Variants in PCNA observed in about 807,000 individuals in gnomAD.
PCNA encodes proliferating cell nuclear antigen, also known as DNA sliding clamp PCNA.
In PCNA, 4 loss-of-function variants were observed where a neutral mutation model predicts 27.8. The observed-to-expected ratio is 0.14, with a 90% CI of 0.07 to 0.33. The LOEUF (loss-of-function observed/expected upper bound fraction) is 0.33, where lower values mean the gene tolerates loss of function less well. Ranked by LOEUF, PCNA falls within the 10% of genes least tolerant of loss-of-function variation. The probability of loss-of-function intolerance (pLI) is 1.00; values close to 1 mark genes in which losing one functional copy is unlikely to be tolerated. For missense variants in PCNA, 165 were observed against 327.4 expected (o/e 0.50, Z 3.83); for synonymous variants, 121 against 119.4 (o/e 1.01, Z -0.09).
upstream of PCNA, among the ~76,000 whole-genome samples, chr20:5,123,511 A>G (rs972135777): frequency 3.9e-5 from 6 of 152,142 alleles, no homozygotes; most frequent in Non-Finnish European, 8.8e-5. Context: ...CCAGGCCAAC[A>G]TGGTGAAACC....
chr20:5,118,845 G>A lies in PCNA; in HGVS notation c.243C>T (p.Cys81=). Residue 81 remains cysteine, a synonymous_variant, in exon 2 of 6, where the codon TGC becomes TGT. Transcript: ENST00000379143. ...NLTSMSKILK[C]AGNEDIITLR... ...GTGTAATGATATCTTCATTGCCGGC[G>A]CATTTTAGTATTTTGGACATACTAG... The A allele has an allele frequency of 1.2e-6, 2 of 1,612,336 alleles. No homozygotes were observed. Among genetic ancestry groups the A allele is most frequent in the East Asian group, 2.2e-5 (1 of 44,824 alleles).
chr20:5,122,384 C>T (rs574903518), upstream of PCNA, among the ~76,000 whole-genome samples: 4 of 152,308 alleles, frequency 2.6e-5, no homozygotes, highest in East Asian at 7.7e-4. Context: ...TAAGGCATTC[C>T]TACTGTTTCT....
At chr20:5,125,959 C>T (rs550385427) in intron 1 of PCNA, among the ~76,000 whole-genome samples, 98 of 152,298 alleles carry the variant, frequency 6.4e-4, no homozygotes, top group African/African-American at 2.3e-3. Flanking sequence ...AAGGGCCAGG[C>T]TCGGTGGCTC....
chr20:5,116,899 A>C (rs2090479043), intron 4 of PCNA, among the ~76,000 whole-genome samples: 1 of 152,094 alleles, frequency 6.6e-6, no homozygotes. Context: ...GGTACTCTCA[A>C]AGTTGCATGG....
At chr20:5,122,842 T>C (rs1308181072), upstream of PCNA, among the ~76,000 whole-genome samples, 1 of 152,276 alleles carries the variant, frequency 6.6e-6, no homozygotes, top group Non-Finnish European at 1.5e-5. Flanking sequence ...AATGACAAAC[T>C]CTATCCATGG....
Position 5,119,952 on chromosome 20 carries a change from G to T in PCNA, c.-154C>A, listed in dbSNP as rs1432246762. The T allele has an allele frequency of 4.7e-6, 3 of 633,244 alleles. No homozygotes were observed. The Admixed American group carries it at 8.3e-5, about 18-fold the overall frequency. The allele number at this position is 633,244 out of a possible 1,614,324, so 39.2% of individuals were successfully genotyped here. A position where few individuals can be genotyped will look rare whatever the true frequency, so the allele number is the denominator to read the frequency against. ...CGACCACTCTGCTACGCCTGCAACC[G>T]TTTAATGCCGCCGCGTCCGCAAGCG... On this transcript the variant is annotated 5_prime_UTR_variant, in exon 1 of 6. Coordinates refer to ENST00000379143, the MANE Select transcript of PCNA (RefSeq NM_182649.2).
upstream of PCNA, among the ~76,000 whole-genome samples, chr20:5,121,985 CTT>C (rs34987280): frequency 1.6e-5 from 2 of 125,366 alleles, no homozygotes; most frequent in African/African-American, 2.9e-5. Flanking sequence ...TTTTCTTTTT[CTT>C]TTTTTTTTTT....
At chr20:5,118,556 CA>C in intron 3 of PCNA, 53 bp downstream of exon 3, 1 of 1,248,722 alleles carries the variant, frequency 8.0e-7, no homozygotes, top group Non-Finnish European at 1.2e-6. Flanking sequence ...CATTCTATGA[CA>C]TAACTATCGT....
At chr20:5,119,010 A>G (rs897467477) in intron 1 of PCNA, 144 bp from the exon 2 acceptor site, 5 of 631,038 alleles carry the variant, frequency 7.9e-6, no homozygotes, top group African/African-American at 3.7e-5. Flanking sequence ...GGAGGATGCC[A>G]TTATTAATGC....
rs1489693827 is a variant in PCNA at position 5,115,122 on chromosome 20, T to C, written c.*161A>G. On this transcript the variant is annotated 3_prime_UTR_variant, in exon 6 of 6. Coordinates refer to ENST00000379143, the MANE Select transcript of PCNA (RefSeq NM_182649.2). ...CTTTGGACTTTATTCTTTAAACAAA[T>C]TGCAGAGAATAGAGAAAAAAATAGG... 7 of 553,466 alleles carry C rather than the reference T, an allele frequency of 1.3e-5. No individual in the cohort carries two copies. Among genetic ancestry groups the C allele is most frequent in the East Asian group, 3.0e-5 (1 of 33,330 alleles). 34.3% of individuals were successfully genotyped at this position (553,466 alleles called of 1,614,324 possible).
intron 3 of PCNA, 142 bp from the exon 4 acceptor site, chr20:5,117,806 A>C (rs1467069586): frequency 3.5e-6 from 2 of 564,010 alleles, no homozygotes; most frequent in East Asian, 3.0e-5. Context: ...GTAATTTCTT[A>C]ACAAACTCCA....
intron 1 of PCNA, among the ~76,000 whole-genome samples, chr20:5,125,547 C>A (rs887608351): frequency 2.1e-4 from 32 of 152,212 alleles, no homozygotes; most frequent in African/African-American, 7.5e-4. Flanking sequence ...AATTGCAATT[C>A]TTTTGTGTGC....
intron 1 of PCNA, among the ~76,000 whole-genome samples, chr20:5,125,209 G>A (rs566895314): frequency 6.6e-6 from 1 of 152,292 alleles, no homozygotes; most frequent in South Asian, 2.1e-4. Flanking sequence ...GTGTGGTGCT[G>A]CACACCTGTA....
At position 5,117,365 on chromosome 20, in the gene PCNA, T is replaced by C. The variant is rs56341515; in HGVS notation, c.582+105A>G. The C allele has an allele frequency of 3.0e-5, 23 of 755,742 alleles. No individual in the cohort carries two copies. The East Asian group carries it at 5.9e-4, about 19-fold the overall frequency. 46.8% of individuals were successfully genotyped at this position (755,742 alleles called of 1,614,324 possible). Reference sequence around the variant, plus strand: ...TCAACAGTATCTCAATTTTCAGAAATTACTTGGGATCCAATTCTGTCTACT... The same window carrying C: ...TCAACAGTATCTCAATTTTCAGAAACTACTTGGGATCCAATTCTGTCTACT... On this transcript the variant is annotated intron_variant, in intron 4 of 5. Transcript: ENST00000379143.
chr20:5,117,748 A>G (rs898886447), intron 3 of PCNA, 84 bp from the exon 4 acceptor site: 4 of 723,510 alleles, frequency 5.5e-6, no homozygotes, highest in South Asian at 2.0e-5. Flanking sequence ...GGCAACACCT[A>G]AACAACTCAG....
In PCNA at chr20:5,118,190, G is replaced by A. The variant is rs79945649; in HGVS notation, c.387+420C>T. On this transcript the variant is annotated intron_variant, in intron 3 of 5. Coordinates refer to ENST00000379143, the MANE Select transcript of PCNA (RefSeq NM_182649.2). ...AACCTGTGAGTTTTAGACTTGTGGTGAACAACTATCCAAATACTAAAATCT... is the reference window on the plus strand; with the variant it reads ...AACCTGTGAGTTTTAGACTTGTGGTAAACAACTATCCAAATACTAAAATCT... Among the ~76,000 whole-genome samples the A allele has an allele frequency of 4.1e-4, 63 of 152,336 alleles. No homozygotes were observed. The East Asian group carries it at 9.6e-3, about 23-fold the overall frequency.
At chr20:5,118,721 GTT>G in intron 2 of PCNA, 44 bp from the exon 3 acceptor site, 1 of 1,606,198 alleles carries the variant, frequency 6.2e-7, no homozygotes, top group Non-Finnish European at 8.5e-7. Context: ...CTGACACAGA[GTT>G]TTGATTTTCT....
chr20:5,125,029 A>G (rs1248704113), intron 1 of PCNA, among the ~76,000 whole-genome samples: 5 of 152,168 alleles, frequency 3.3e-5, no homozygotes, highest in South Asian at 4.1e-4. Flanking sequence ...AGACACTAAC[A>G]TCTTCACCTG....
At chr20:5,117,855 G>GT (rs2090486268) in intron 3 of PCNA, among the ~76,000 whole-genome samples, 191 bp from the exon 4 acceptor site, 1 of 152,178 alleles carries the variant, frequency 6.6e-6, no homozygotes, top group African/African-American at 2.4e-5. Context: ...ACCATCCAGG[G>GT]AACAAGAGCC....
Sources: gnomAD v4.1 joint callset for allele counts (sites outside exome capture counted in the v4.1 genomes callset) on GRCh38, gnomAD v4.1.1 for gene constraint, MANE v1.5 for transcripts, NCBI Gene and HGNC (gene_info 2026-07-23, HGNC 2026-07-21) for gene names.